NAPEPLD: variants seen among roughly 807,000 people sequenced by gnomAD.
The protein encoded by NAPEPLD is N-acyl-phosphatidylethanolamine-hydrolyzing phospholipase D.
In NAPEPLD, 23 loss-of-function variants were observed where a neutral mutation model predicts 38.1. The ratio of observed to expected loss-of-function variants is 0.60; its 90% CI spans 0.43 to 0.86. The LOEUF (loss-of-function observed/expected upper bound fraction) is 0.86. Ranked by LOEUF, NAPEPLD falls within the 40% of genes least tolerant of loss-of-function variation. The pLI is 0.00. For synonymous variants in NAPEPLD, 147 were observed against 162.0 expected (o/e 0.91, Z 0.71); for missense variants, 411 against 476.8 (o/e 0.86, Z 1.28).
intron 1 of NAPEPLD, chr7:103,141,663 C>A (rs146496282): frequency 1.1e-6 from 1 of 909,968 alleles, no homozygotes; most frequent in Non-Finnish European, 1.9e-6. Context: ...ATCCACGTGA[C>A]CTTCTCTGGC....
intron 4 of NAPEPLD, among the ~76,000 whole-genome samples, chr7:103,106,062 CTGGT>C (rs1266535745): frequency 6.6e-6 from 1 of 151,616 alleles, no homozygotes; most frequent in Non-Finnish European, 1.5e-5. Flanking sequence ...CTCATTAGGG[CTGGT>C]TAGACAGTGG....
chr7:103,109,180 C>A (rs561197904), intron 4 of NAPEPLD, among the ~76,000 whole-genome samples: 1 of 152,090 alleles, frequency 6.6e-6, no homozygotes, highest in African/African-American at 2.4e-5. Context: ...GACAGATCAA[C>A]GAGACAGAAA....
chr7:103,111,024 A>G (rs1274171800), intron 4 of NAPEPLD, among the ~76,000 whole-genome samples: 1 of 152,230 alleles, frequency 6.6e-6, no homozygotes, highest in African/African-American at 2.4e-5. Context: ...TACAAAGAGA[A>G]TAAAATACCT....
At chr7:103,123,203 T>C (rs1807065613) in intron 2 of NAPEPLD, among the ~76,000 whole-genome samples, 2 of 152,146 alleles carry the variant, frequency 1.3e-5, no homozygotes, top group Non-Finnish European at 2.9e-5. Context: ...CTTCCATATC[T>C]CCCTATTCAC....
chr7:103,141,085 G>C (rs547006109), intron 1 of NAPEPLD, among the ~76,000 whole-genome samples: 1 of 152,032 alleles, frequency 6.6e-6, no homozygotes. Context: ...CCCCCCATCT[G>C]CTTTTTCCAT....
rs1326861223 is a variant in NAPEPLD, at chr7:103,103,395, C to G, written c.*34G>C. 1 of 1,514,260 alleles carries G rather than the reference C, an allele frequency of 6.6e-7. No homozygotes were observed. Among genetic ancestry groups the G allele is most frequent in the Non-Finnish European group, 8.8e-7 (1 of 1,134,292 alleles). The allele number at this position is 1,514,260 out of a possible 1,614,324, so 93.8% of individuals were successfully genotyped here. A position where few individuals can be genotyped will look rare whatever the true frequency, so the allele number is the denominator to read the frequency against. ...CATTTGTTTTTAAACTTAGATGATG[C>G]CTTTTTCATTAAAAGTGCCTGTGCT... On this transcript the variant is annotated 3_prime_UTR_variant, in exon 5 of 5. Transcript: ENST00000465647.
rs1288792273 is a variant in NAPEPLD, at chr7:103,130,851, C to T, written c.-16-2059G>A. Reference sequence around the variant, plus strand: ...GGCTCAAGCAATCTGCTTGCCTCCTCGGACTCACAAAGTGCTAGGATTATA... The same window carrying T: ...GGCTCAAGCAATCTGCTTGCCTCCTTGGACTCACAAAGTGCTAGGATTATA... On this transcript the variant is annotated intron_variant, in intron 1 of 4. Coordinates refer to ENST00000465647, the MANE Select transcript of NAPEPLD (RefSeq NM_001122838.3). Among the ~76,000 whole-genome samples, 6 of 152,196 alleles carry T rather than the reference C, an allele frequency of 3.9e-5. No individual in the cohort carries two copies. In the East Asian group the frequency reaches 9.7e-4, roughly 25 times the overall value.
chr7:103,124,199 C>A (rs373841653), intron 2 of NAPEPLD, among the ~76,000 whole-genome samples: 1 of 152,012 alleles, frequency 6.6e-6, no homozygotes, highest in Non-Finnish European at 1.5e-5. Context: ...TGGCTCACGC[C>A]TGTAATCCCA....
In NAPEPLD at chr7:103,149,070, A is replaced by C. The variant is rs1813199857; in HGVS notation, c.-276T>G. On this transcript the variant is annotated 5_prime_UTR_variant, in exon 1 of 5. It adds an upstream start codon to the 5' untranslated region. Coordinates refer to ENST00000465647, the MANE Select transcript of NAPEPLD (RefSeq NM_001122838.3). ...CTCAGCCCGCTCCACTTCGCCGAAG[A>C]ATTCCAAACCACCCCAGGCTCAGCA... 3.0e-6 allele frequency: 3 copies of C among 985,406 alleles called. No homozygotes were observed. Among genetic ancestry groups the C allele is most frequent in the Non-Finnish European group, 2.4e-6 (2 of 829,986 alleles). The allele number at this position is 985,406 out of a possible 1,614,324, so 61.0% of individuals were successfully genotyped here.
intron 1 of NAPEPLD, among the ~76,000 whole-genome samples, chr7:103,137,679 G>C (rs776171941): frequency 2.0e-5 from 3 of 152,010 alleles, no homozygotes; most frequent in African/African-American, 4.8e-5. Flanking sequence ...GGCCAGGTGT[G>C]GTGGTGCGCA....
intron 1 of NAPEPLD, among the ~76,000 whole-genome samples, chr7:103,139,552 C>G (rs1810786502): frequency 6.6e-6 from 1 of 152,190 alleles, no homozygotes. Context: ...CACTGAAAAG[C>G]TCAGAACTTT....
chr7:103,147,131 A>C (rs1471255421), intron 1 of NAPEPLD, among the ~76,000 whole-genome samples: 1 of 152,244 alleles, frequency 6.6e-6, no homozygotes, highest in Non-Finnish European at 1.5e-5. Flanking sequence ...TAATAAATTC[A>C]AAAGACAAAT....
chr7:103,143,261 G>C (rs1029355547), intron 1 of NAPEPLD, among the ~76,000 whole-genome samples: 4 of 151,714 alleles, frequency 2.6e-5, no homozygotes, highest in African/African-American at 9.7e-5. Context: ...AATAAAAATA[G>C]AAAAGTCTTG....
intron 4 of NAPEPLD, among the ~76,000 whole-genome samples, chr7:103,105,877 G>A (rs528727167): frequency 4.2e-4 from 61 of 146,098 alleles, no homozygotes; most frequent in African/African-American, 1.2e-3. Context: ...AGGTTGCAGC[G>A]CGCCGAGATC....
intron 1 of NAPEPLD, among the ~76,000 whole-genome samples, chr7:103,131,420 A>G (rs1246222262): frequency 6.6e-6 from 1 of 152,150 alleles, no homozygotes; most frequent in African/African-American, 2.4e-5. Context: ...GCACTTCAGG[A>G]GGCCAAGGCA....
chr7:103,140,599 T>A (rs572501224), intron 1 of NAPEPLD, among the ~76,000 whole-genome samples: 1 of 151,992 alleles, frequency 6.6e-6, no homozygotes, highest in Non-Finnish European at 1.5e-5. Context: ...TTCACCATGT[T>A]AGCCAGGACG....
chr7:103,112,195 C>G (rs949032647), intron 4 of NAPEPLD, among the ~76,000 whole-genome samples: 1 of 152,104 alleles, frequency 6.6e-6, no homozygotes, highest in Non-Finnish European at 1.5e-5. Context: ...GACACTGTGG[C>G]GATTCCTCAA....
At chr7:103,146,676 A>C (rs887579106) in intron 1 of NAPEPLD, among the ~76,000 whole-genome samples, 9 of 152,086 alleles carry the variant, frequency 5.9e-5, no homozygotes, top group African/African-American at 1.9e-4. Flanking sequence ...GCCATTCACA[A>C]CCTGTTACCC....
At position 103,100,918 on chromosome 7, in the gene NAPEPLD, T is replaced by C. The variant is rs1802306405; in HGVS notation, c.*2511A>G. 6.6e-6 allele frequency: 1 copy of C among 152,022 alleles called. No homozygotes were observed. Among genetic ancestry groups the C allele is most frequent in the Non-Finnish European group, 1.5e-5 (1 of 68,008 alleles). The allele number at this position is 152,022 out of a possible 1,614,324, so 9.4% of individuals were successfully genotyped here. ...ATGAGTGGTAATAAAAAATTACAGC[T>C]TACAAAAGGGCCTAGAAAAATGAGG... On this transcript the variant is annotated 3_prime_UTR_variant, in exon 5 of 5. Coordinates refer to ENST00000465647, the MANE Select transcript of NAPEPLD (RefSeq NM_001122838.3).
Sources: gnomAD v4.1 joint callset for allele counts (sites outside exome capture counted in the v4.1 genomes callset) on GRCh38, gnomAD v4.1.1 for gene constraint, MANE v1.5 for transcripts, NCBI Gene and HGNC (gene_info 2026-07-23, HGNC 2026-07-21) for gene names.